The following TRMT10B variants were observed in gnomAD, a reference collection of about 807,000 sequenced individuals.
The protein encoded by TRMT10B is tRNA methyltransferase 10B, also known as tRNA methyltransferase 10 homolog B.
TRMT10B carries 33 observed loss-of-function variants against 43.8 expected under a neutral mutation model. The ratio of observed to expected loss-of-function variants is 0.75; its 90% CI spans 0.57 to 1.01. The LOEUF is 1.01. TRMT10B is among the 50% of genes least tolerant of loss of function. TRMT10B has a pLI of 0.00. For synonymous variants in TRMT10B, 137 were observed against 130.6 expected (o/e 1.05, Z -0.34); for missense variants, 362 against 369.8 (o/e 0.98, Z 0.17).
chr9:37,768,137 G>C lies in TRMT10B; in HGVS notation c.482G>C (p.Arg161Thr). ...TATGGTTCAAACAAAAAAGCTGACA[G>C]GCCATTTTGGATCTGCCTCACTGGA... ...RLYGSNKKAD[R>T]PFWICLTGFT... Residue 161 changes from arginine (R) to threonine (T), a missense_variant, in exon 5 of 9, where the codon AGG becomes ACG. Physicochemically the swap from Arg to Thr is moderately conservative, Grantham distance 71. Transcript: ENST00000297994. 6.2e-7 allele frequency: 1 copy of C among 1,614,144 alleles called. No individual in the cohort carries two copies. The highest frequency in any genetic ancestry group is 8.5e-7 in the Non-Finnish European group (1 of 1,180,004).
At chr9:37,758,242 C>T (rs1189212861) in intron 1 of TRMT10B, among the ~76,000 whole-genome samples, 1 of 151,946 alleles carries the variant, frequency 6.6e-6, no homozygotes, top group Admixed American at 6.6e-5. Context: ...TGAAACCCTA[C>T]CTCTACTAAA....
chr9:37,760,154 C>T (rs1306344832), intron 1 of TRMT10B, among the ~76,000 whole-genome samples: 4 of 152,098 alleles, frequency 2.6e-5, no homozygotes, highest in African/African-American at 7.2e-5. Flanking sequence ...GGTGAAACCC[C>T]GTCTCTACTA....
At chr9:37,760,613 A>AT (rs1216341538) in intron 1 of TRMT10B, among the ~76,000 whole-genome samples, 3 of 152,236 alleles carry the variant, frequency 2.0e-5, no homozygotes, top group Non-Finnish European at 2.9e-5. Flanking sequence ...TGAAATAATG[A>AT]TGTAAGCATA....
At chr9:37,767,533 A>AAAAAAAAC (rs1827118704) in intron 4 of TRMT10B, 1 of 145,098 alleles carries the variant, frequency 6.9e-6, no homozygotes, top group Non-Finnish European at 1.5e-5. Context: ...AAAAAAAAAA[A>AAAAAAAAC]AATCCATATT....
intron 1 of TRMT10B, among the ~76,000 whole-genome samples, chr9:37,758,159 CCCA>C: frequency 6.6e-6 from 1 of 152,274 alleles, no homozygotes; most frequent in South Asian, 2.1e-4. Flanking sequence ...CACTTGTAAT[CCCA>C]CCACTTTGGG....
chr9:37,757,578 A>G (rs1175195230), intron 1 of TRMT10B, among the ~76,000 whole-genome samples: 1 of 152,220 alleles, frequency 6.6e-6, no homozygotes, highest in African/African-American at 2.4e-5. Flanking sequence ...CTAGAAGGTA[A>G]TTTACTTGGT....
intron 4 of TRMT10B, among the ~76,000 whole-genome samples, chr9:37,765,180 T>G (rs778887007): frequency 1.3e-5 from 2 of 152,182 alleles, no homozygotes; most frequent in Non-Finnish European, 2.9e-5. Context: ...ACGTGTGCCA[T>G]GTTGGTGCTG....
At chr9:37,776,195 AG>A in intron 7 of TRMT10B, 86 bp from the exon 8 acceptor site, 1 of 1,115,494 alleles carries the variant, frequency 9.0e-7, no homozygotes, top group Non-Finnish European at 1.2e-6. Flanking sequence ...ATTCCACAAT[AG>A]GCTACTTATT....
At chr9:37,763,135 C>A (rs1826555962) in intron 3 of TRMT10B, among the ~76,000 whole-genome samples, 2 of 117,500 alleles carry the variant, frequency 1.7e-5, no homozygotes, top group African/African-American at 3.3e-5. Context: ...CAGAGTGAGA[C>A]TCTGTCTCAA....
At chr9:37,762,977 C>CAA (rs57643861) in intron 3 of TRMT10B, among the ~76,000 whole-genome samples, 7 of 85,132 alleles carry the variant, frequency 8.2e-5, no homozygotes, top group Middle Eastern at 6.6e-3. Context: ...ACTAAAAATA[C>CAA]AAAAAAAAAA....
intron 4 of TRMT10B, among the ~76,000 whole-genome samples, chr9:37,765,144 A>G (rs1424089454): frequency 6.6e-6 from 1 of 152,186 alleles, no homozygotes; most frequent in East Asian, 1.9e-4. Context: ...ACATGTGCAC[A>G]ACGTGCAGGT....
intron 1 of TRMT10B, among the ~76,000 whole-genome samples, chr9:37,754,858 G>A (rs977461288): frequency 7.2e-5 from 11 of 152,156 alleles, no homozygotes; most frequent in Non-Finnish European, 1.5e-4. Context: ...CTGTTACAAT[G>A]GCAATTAAGT....
intron 1 of TRMT10B, among the ~76,000 whole-genome samples, chr9:37,761,090 C>T (rs934784676): frequency 6.6e-6 from 1 of 152,186 alleles, no homozygotes; most frequent in African/African-American, 2.4e-5. Context: ...AAAACTGATA[C>T]ATACCAACAA....
At chr9:37,755,958 T>C (rs979540318) in intron 1 of TRMT10B, among the ~76,000 whole-genome samples, 2 of 152,168 alleles carry the variant, frequency 1.3e-5, no homozygotes, top group South Asian at 2.1e-4. Context: ...GCACAGACTT[T>C]CCAATTTTTG....
chr9:37,776,460 G>A (rs2118938677), intron 8 of TRMT10B, 55 bp downstream of exon 8: 5 of 1,556,678 alleles, frequency 3.2e-6, no homozygotes, highest in Middle Eastern at 1.7e-4. Context: ...CTGCTGCTTT[G>A]CACTGTGTTT....
intron 5 of TRMT10B, 120 bp from the exon 6 acceptor site, chr9:37,769,821 T>A (rs1827367959): frequency 1.2e-6 from 1 of 800,434 alleles, no homozygotes. Context: ...CAGTCTGGTC[T>A]CGAACTTTGG....
At chr9:37,752,907 C>T (rs890776576), upstream of TRMT10B, among the ~76,000 whole-genome samples, 3 of 152,114 alleles carry the variant, frequency 2.0e-5, no homozygotes, top group African/African-American at 2.4e-5. Flanking sequence ...CAGCGGCAAC[C>T]CGTTGGGGTT....
Position 37,772,324 on chromosome 9 carries a change from A to ATTT in TRMT10B, c.720+1593_720+1595dup, listed in dbSNP as rs200481250. ...TCACTGTGCCTGGCCTAGTTCTTAA[A>ATTT]TTTTTTTTTTAGAGACAGGGTCTCA... On this transcript the variant is annotated intron_variant, in intron 7 of 8. Coordinates refer to ENST00000297994, the MANE Select transcript of TRMT10B (RefSeq NM_144964.4). Among the ~76,000 whole-genome samples, 3 of 148,520 alleles carry ATTT rather than the reference A, an allele frequency of 2.0e-5. No individual in the cohort carries two copies. The South Asian group carries it at 6.4e-4, about 32-fold the overall frequency.
chr9:37,754,283 T>C (rs538660237), intron 1 of TRMT10B, among the ~76,000 whole-genome samples: 10 of 152,300 alleles, frequency 6.6e-5, no homozygotes, highest in Admixed American at 2.0e-4. Flanking sequence ...TAGGTTATGT[T>C]GGATAGTAAT....
Sources: allele counts gnomAD v4.1 joint callset (sites outside exome capture counted in the v4.1 genomes callset), GRCh38; gene constraint gnomAD v4.1.1; transcripts MANE v1.5; gene names NCBI Gene and HGNC (gene_info 2026-07-23, HGNC 2026-07-21).